CSMD1: variants seen among roughly 807,000 people sequenced by gnomAD.
CSMD1 encodes the protein CUB and Sushi multiple domains 1, also known as CUB and sushi domain-containing protein 1.
Under a neutral mutation model 417.5 loss-of-function variants are expected in CSMD1, and 213 were observed. That is an observed-to-expected ratio of 0.51 (90% confidence interval 0.46 to 0.57). CSMD1 has a LOEUF of 0.57. Among genes scored for constraint, CSMD1 ranks in the 20% least tolerant of loss-of-function variants. The pLI, the probability that CSMD1 is intolerant of heterozygous loss-of-function variation, is 0.00. For missense variants in CSMD1, 6,923 were observed against 4,529.7 expected (o/e 1.53, Z -15.17); for synonymous variants, 2,862 against 1,736.8 (o/e 1.65, Z -16.11).
At chr8:3,473,525 C>T (rs1305444712) in intron 11 of CSMD1, among the ~76,000 whole-genome samples, 3 of 152,122 alleles carry the variant, frequency 2.0e-5, no homozygotes, top group Non-Finnish European at 4.4e-5. Context: ...CTTGCTAACA[C>T]TGAGATATTA....
intron 7 of CSMD1, among the ~76,000 whole-genome samples, chr8:3,676,630 T>A (rs1799387692): frequency 6.6e-6 from 1 of 152,188 alleles, no homozygotes; most frequent in South Asian, 2.1e-4. Flanking sequence ...GCTTGTGTGT[T>A]GTGGGACCAC....
intron 26 of CSMD1, among the ~76,000 whole-genome samples, chr8:3,254,259 G>A (rs566976007): frequency 6.6e-6 from 1 of 152,236 alleles, no homozygotes; most frequent in Admixed American, 6.5e-5. Context: ...TAGTCTGATG[G>A]GCTTCCCTTT....
chr8:3,595,189 G>C (rs1300541753), intron 8 of CSMD1, among the ~76,000 whole-genome samples: 2 of 152,170 alleles, frequency 1.3e-5, no homozygotes, highest in Admixed American at 6.5e-5. Flanking sequence ...TTAGGGACAC[G>C]ATCCTAATAA....
chr8:4,894,478 G>A (rs1473581459), intron 1 of CSMD1, among the ~76,000 whole-genome samples: 5 of 151,180 alleles, frequency 3.3e-5, no homozygotes, highest in Non-Finnish European at 5.9e-5. Flanking sequence ...ACTTGAACCC[G>A]GGAGGCAGAG....
chr8:4,513,041 G>A (rs976360248), intron 2 of CSMD1, among the ~76,000 whole-genome samples: 1 of 152,140 alleles, frequency 6.6e-6, no homozygotes, highest in Non-Finnish European at 1.5e-5. Context: ...ATTAAACAAT[G>A]AAAATTATCT....
chr8:3,037,357 C>T (rs1037584420), intron 50 of CSMD1, among the ~76,000 whole-genome samples: 3 of 136,590 alleles, frequency 2.2e-5, no homozygotes, highest in African/African-American at 8.0e-5. Flanking sequence ...AGGCGCCCGC[C>T]ACCAAGCCCA....
chr8:4,588,650 T>A (rs900982194), intron 2 of CSMD1, among the ~76,000 whole-genome samples: 5 of 151,878 alleles, frequency 3.3e-5, no homozygotes, highest in Middle Eastern at 3.2e-3. Flanking sequence ...CCGGGCGTGG[T>A]GGCGGGCGCC....
intron 3 of CSMD1, among the ~76,000 whole-genome samples, chr8:4,417,850 T>A (rs1797032034): frequency 6.6e-6 from 1 of 152,058 alleles, no homozygotes; most frequent in Non-Finnish European, 1.5e-5. Context: ...TAATAAATTC[T>A]GACCTTTTCC....
At chr8:4,843,470 AT>A (rs1426264741) in intron 1 of CSMD1, among the ~76,000 whole-genome samples, 9 of 152,076 alleles carry the variant, frequency 5.9e-5, no homozygotes, top group Admixed American at 3.9e-4. Flanking sequence ...CGAGAGAGAA[AT>A]TGTGTGTATA....
At chr8:3,762,346 T>C (rs1798054167) in intron 5 of CSMD1, among the ~76,000 whole-genome samples, 1 of 152,182 alleles carries the variant, frequency 6.6e-6, no homozygotes, top group South Asian at 2.1e-4. Flanking sequence ...AGATCATGTG[T>C]TGCAGTCTCA....
intron 40 of CSMD1, among the ~76,000 whole-genome samples, chr8:3,148,698 G>A (rs1295615931): frequency 6.6e-6 from 1 of 152,172 alleles, no homozygotes; most frequent in Non-Finnish European, 1.5e-5. Flanking sequence ...CTCAGATTCT[G>A]CAAATTGCTC....
intron 5 of CSMD1, among the ~76,000 whole-genome samples, chr8:3,862,405 T>A (rs1490771647): frequency 5.5e-5 from 3 of 54,444 alleles, no homozygotes; most frequent in Admixed American, 5.1e-4. Flanking sequence ...CCTGAATTTT[T>A]CTCTCACTTG....
intron 1 of CSMD1, among the ~76,000 whole-genome samples, chr8:4,641,911 T>G (rs1313662709): frequency 6.6e-6 from 1 of 152,234 alleles, no homozygotes; most frequent in Non-Finnish European, 1.5e-5. Context: ...ATAGTCTTAT[T>G]ACCAAAGATA....
At chr8:3,256,309 GAA>G (rs61572877) in intron 26 of CSMD1, among the ~76,000 whole-genome samples, 11 of 81,432 alleles carry the variant, frequency 1.4e-4, no homozygotes, top group African/African-American at 4.9e-4. Flanking sequence ...TAAGTCTCAA[GAA>G]AAAAAAAAAA....
At chr8:4,583,952 C>A (rs1419002210) in intron 2 of CSMD1, among the ~76,000 whole-genome samples, 1 of 152,052 alleles carries the variant, frequency 6.6e-6, no homozygotes, top group East Asian at 1.9e-4. Flanking sequence ...CCAAAGTCTG[C>A]AGCTTCACTC....
At chr8:3,467,645 C>T (rs919006954) in intron 12 of CSMD1, among the ~76,000 whole-genome samples, 4 of 152,066 alleles carry the variant, frequency 2.6e-5, no homozygotes, top group East Asian at 1.9e-4. Flanking sequence ...GAGGATACTC[C>T]GGGGTGGGCC....
At chr8:3,707,893 G>C (rs1167927190) in intron 7 of CSMD1, among the ~76,000 whole-genome samples, 2 of 152,178 alleles carry the variant, frequency 1.3e-5, no homozygotes, top group Non-Finnish European at 2.9e-5. Flanking sequence ...TATTGATCTG[G>C]TATCTACCAG....
At chr8:4,727,943 AATAT>A (rs1330643992) in intron 1 of CSMD1, among the ~76,000 whole-genome samples, 11 of 122,594 alleles carry the variant, frequency 9.0e-5, no homozygotes, top group African/African-American at 3.3e-4. Context: ...ATATATACAA[AATAT>A]ATATATGTAT....
intron 3 of CSMD1, among the ~76,000 whole-genome samples, chr8:4,141,678 A>T (rs1478991014): frequency 1.3e-5 from 2 of 151,100 alleles, no homozygotes; most frequent in Non-Finnish European, 2.9e-5. Context: ...CTTCTCCAGA[A>T]ATTGCTTAAA....
Sources: allele counts gnomAD v4.1 joint callset (sites outside exome capture counted in the v4.1 genomes callset), GRCh38; gene constraint gnomAD v4.1.1; transcripts MANE v1.5; gene names NCBI Gene and HGNC (gene_info 2026-07-23, HGNC 2026-07-21).